ZNF385D: variants seen among roughly 807,000 people sequenced by gnomAD.
ZNF385D encodes the protein zinc finger protein 385D, also known as zinc finger protein 659.
In ZNF385D, 15 loss-of-function variants were observed where a neutral mutation model predicts 35.8. The ratio of observed to expected loss-of-function variants is 0.42; its 90% CI spans 0.28 to 0.64. ZNF385D has a LOEUF of 0.64. Among genes scored for constraint, ZNF385D ranks in the 30% least tolerant of loss-of-function variants. ZNF385D has a pLI of 0.23. For missense variants in ZNF385D, 474 were observed against 494.6 expected (o/e 0.96, Z 0.39); for synonymous variants, 212 against 186.8 (o/e 1.13, Z -1.10).
At chr3:21,618,444 C>T (rs1243560944) in intron 2 of ZNF385D, among the ~76,000 whole-genome samples, 2 of 152,142 alleles carry the variant, frequency 1.3e-5, no homozygotes, top group East Asian at 3.9e-4. Flanking sequence ...GGACTTCTGG[C>T]TTCCAGAACT....
At chr3:22,346,984 G>T (rs1001210709) in intron 2 of ZNF385D, among the ~76,000 whole-genome samples, 1 of 152,122 alleles carries the variant, frequency 6.6e-6, no homozygotes, top group Non-Finnish European at 1.5e-5. Context: ...CTAAGTAGTT[G>T]ACCATTTGGG....
chr3:22,180,999 C>T (rs1316616468), intron 2 of ZNF385D, among the ~76,000 whole-genome samples: 1 of 140,176 alleles, frequency 7.1e-6, no homozygotes, highest in Non-Finnish European at 1.5e-5. Flanking sequence ...TTTCTTTTCT[C>T]ATTGATTCTG....
intron 2 of ZNF385D, among the ~76,000 whole-genome samples, chr3:22,289,055 T>C (rs1702164188): frequency 6.6e-6 from 1 of 152,110 alleles, no homozygotes; most frequent in Non-Finnish European, 1.5e-5. Context: ...GTTAGATGTT[T>C]GTTCTAGTTT....
intron 3 of ZNF385D, among the ~76,000 whole-genome samples, chr3:22,064,330 T>C (rs760364191): frequency 1.3e-4 from 20 of 152,188 alleles, no homozygotes; most frequent in Admixed American, 9.2e-4. Context: ...GCAGAGATTT[T>C]TGTGATAATT....
chr3:21,927,013 T>A (rs545540966), intron 3 of ZNF385D, among the ~76,000 whole-genome samples: 6 of 152,240 alleles, frequency 3.9e-5, no homozygotes, highest in African/African-American at 1.4e-4. Context: ...GTTTGGGTAA[T>A]GAGGACAGAT....
intron 3 of ZNF385D, among the ~76,000 whole-genome samples, chr3:21,781,837 A>G (rs1043019277): frequency 8.1e-6 from 1 of 123,084 alleles, no homozygotes; most frequent in African/African-American, 2.8e-5. Context: ...AGGTGAATCA[A>G]ATAATTGACC....
intron 3 of ZNF385D, among the ~76,000 whole-genome samples, chr3:21,528,675 C>G (rs2061845569): frequency 2.0e-5 from 3 of 152,168 alleles, no homozygotes; most frequent in African/African-American, 7.2e-5. Context: ...ATGAGCAAAA[C>G]TTAAGTATCT....
chr3:21,612,609 G>A (rs2064716903), intron 2 of ZNF385D, among the ~76,000 whole-genome samples: 1 of 152,098 alleles, frequency 6.6e-6, no homozygotes. Flanking sequence ...TAACATATCA[G>A]TCACAGACAT....
chr3:21,905,257 G>A (rs1371325856), intron 3 of ZNF385D, among the ~76,000 whole-genome samples: 1 of 129,806 alleles, frequency 7.7e-6, no homozygotes, highest in Non-Finnish European at 1.6e-5. Flanking sequence ...TATTTTTAAT[G>A]TTATAAAGGG....
At chr3:22,222,246 G>C (rs1698301719) in intron 2 of ZNF385D, among the ~76,000 whole-genome samples, 1 of 151,850 alleles carries the variant, frequency 6.6e-6, no homozygotes, top group South Asian at 2.1e-4. Context: ...TGGGATAACA[G>C]GCATGAGCCA....
chr3:21,807,789 T>C (rs1372007666), intron 3 of ZNF385D, among the ~76,000 whole-genome samples: 1 of 152,194 alleles, frequency 6.6e-6, no homozygotes, highest in East Asian at 1.9e-4. Flanking sequence ...CATCTTCAAA[T>C]ATGGCAGGAT....
chr3:21,596,828 C>T (rs1248785900), intron 2 of ZNF385D, among the ~76,000 whole-genome samples: 1 of 151,974 alleles, frequency 6.6e-6, no homozygotes. Flanking sequence ...GGGTGACTGC[C>T]ATACCTATGT....
intron 2 of ZNF385D, among the ~76,000 whole-genome samples, chr3:22,246,515 A>G (rs1204647237): frequency 7.9e-5 from 12 of 152,156 alleles, no homozygotes. Flanking sequence ...CTTCTGATGC[A>G]CTTCAAAGAT....
intron 3 of ZNF385D, among the ~76,000 whole-genome samples, chr3:22,092,771 T>C (rs1451305874): frequency 6.6e-6 from 1 of 152,170 alleles, no homozygotes; most frequent in Non-Finnish European, 1.5e-5. Flanking sequence ...CTGATGTTTA[T>C]CTTCTGGATC....
At chr3:21,444,954 C>A (rs1217791616) in intron 4 of ZNF385D, among the ~76,000 whole-genome samples, 2 of 152,092 alleles carry the variant, frequency 1.3e-5, no homozygotes, top group African/African-American at 2.4e-5. Flanking sequence ...GGTCAGGCAA[C>A]TGAGGGTTAA....
At chr3:21,749,764 G>A (rs1483725407) in intron 1 of ZNF385D, among the ~76,000 whole-genome samples, 1 of 152,192 alleles carries the variant, frequency 6.6e-6, no homozygotes. Context: ...TTGGAACTTA[G>A]ATTCCTTCCA....
intron 1 of ZNF385D, among the ~76,000 whole-genome samples, chr3:21,674,667 C>G (rs1320777144): frequency 6.6e-6 from 1 of 152,094 alleles, no homozygotes; most frequent in Non-Finnish European, 1.5e-5. Flanking sequence ...ACGAGTTACT[C>G]TATTCAGTAT....
At chr3:21,827,768 C>G (rs778563560) in intron 3 of ZNF385D, among the ~76,000 whole-genome samples, 4 of 152,160 alleles carry the variant, frequency 2.6e-5, no homozygotes, top group Non-Finnish European at 4.4e-5. Flanking sequence ...AAGAATTCTG[C>G]AAAATGTGCG....
intron 2 of ZNF385D, among the ~76,000 whole-genome samples, chr3:22,282,331 A>G (rs1701792488): frequency 3.3e-5 from 5 of 151,958 alleles, no homozygotes; most frequent in Admixed American, 2.0e-4. Flanking sequence ...TAGATTGTCT[A>G]TTTGAGCTCT....
Sources: allele counts gnomAD v4.1 joint callset (sites outside exome capture counted in the v4.1 genomes callset), GRCh38; gene constraint gnomAD v4.1.1; transcripts MANE v1.5; gene names NCBI Gene and HGNC (gene_info 2026-07-23, HGNC 2026-07-21).